Variants in CERS1 observed in about 807,000 individuals in gnomAD.
CERS1 encodes the protein Embryonic growth/differentiation factor 1.
Under a neutral mutation model 35.7 loss-of-function variants are expected in CERS1, and 16 were observed. The observed-to-expected ratio is 0.45, with a 90% CI of 0.30 to 0.68. The LOEUF (loss-of-function observed/expected upper bound fraction) is 0.68. CERS1 is among the 30% of genes least tolerant of loss of function. The probability of loss-of-function intolerance (pLI) is 0.08; values close to 1 mark genes in which losing one functional copy is unlikely to be tolerated. For missense variants in CERS1, 454 were observed against 453.9 expected (o/e 1.00, Z 0.00); for synonymous variants, 243 against 201.6 (o/e 1.21, Z -1.74).
intron 2 of CERS1, among the ~76,000 whole-genome samples, chr19:18,890,624 C>A (rs1409050775): frequency 6.8e-6 from 1 of 147,416 alleles, no homozygotes; most frequent in Non-Finnish European, 1.5e-5. Flanking sequence ...CCAAAAAACA[C>A]AAAAAAATTC....
Position 18,868,845 on chromosome 19 carries a change from A to G in CERS1, c.*1140T>C. ...TGACCCTGGCAGTAGTTGGCCAGGA[A>G]GCCGCGCGGCGCGATGACCCAGCGG... On this transcript the variant is annotated 3_prime_UTR_variant, in exon 8 of 8. Transcript: ENST00000623882. 6.9e-7 allele frequency: 1 copy of G among 1,449,992 alleles called. No individual in the cohort carries two copies. Among genetic ancestry groups the G allele is most frequent in the South Asian group, 1.2e-5 (1 of 81,224 alleles). The allele number at this position is 1,449,992 out of a possible 1,614,324, so 89.8% of individuals were successfully genotyped here. A position where few individuals can be genotyped will look rare whatever the true frequency, so the allele number is the denominator to read the frequency against.
rs772809060 is a variant in CERS1 at position 18,870,270 on chromosome 19, A to T, written c.*307T>A. 5.0e-5 allele frequency: 77 copies of T among 1,545,232 alleles called. No homozygotes were observed. Among genetic ancestry groups the T allele is most frequent in the Middle Eastern group, 2.2e-4 (1 of 4,450 alleles). On this transcript the variant is annotated 3_prime_UTR_variant, in exon 7 of 8. Transcript: ENST00000623882. The surrounding 1 kb of genome is among the most constrained non-coding windows in gnomAD (Gnocchi z 5.1). ...CAGCAGCAGGGCCAGGAGGAGGAGG[A>T]GGTGGTGGCCGCAGGGACCTTGCTG...
At chr19:18,881,966 T>C (rs977758819) in intron 3 of CERS1, 1 of 152,408 alleles carries the variant, frequency 6.6e-6, no homozygotes, top group Non-Finnish European at 1.5e-5. Context: ...CTCATCACCA[T>C]GCCCAGCTAA....
In CERS1 at chr19:18,878,299, CCT is replaced by C; in HGVS notation, c.1010+629_1010+630del. On this transcript the variant is annotated intron_variant, in intron 6 of 7. Coordinates refer to ENST00000623882, the MANE Select transcript of CERS1 (RefSeq NM_021267.5). The surrounding 1 kb of genome is among the most constrained non-coding windows in gnomAD (Gnocchi z 4.6). ...CCGTTCATCCCTGGCCCAGACACCC[CCT>C]GCCTGCCCCAGGCCTGGGGCTTCGG... 4.1e-6 allele frequency: 4 copies of C among 986,046 alleles called. No individual in the cohort carries two copies. The highest frequency in any genetic ancestry group is 4.8e-6 in the Non-Finnish European group (4 of 830,512). 61.1% of individuals were successfully genotyped at this position (986,046 alleles called of 1,614,324 possible). A position where few individuals can be genotyped will look rare whatever the true frequency, so the allele number is the denominator to read the frequency against.
At chr19:18,880,164 C>G in intron 4 of CERS1, 110 bp downstream of exon 4, 1 of 1,151,540 alleles carries the variant, frequency 8.7e-7, no homozygotes, top group Non-Finnish European at 1.2e-6. Context: ...TGCCACACAC[C>G]CACCTCACCG....
chr19:18,886,143 T>C (rs367748928), intron 2 of CERS1, among the ~76,000 whole-genome samples: 25 of 150,166 alleles, frequency 1.7e-4, no homozygotes, highest in African/African-American at 4.3e-4. Context: ...CGGTGGCTCA[T>C]GCCTGTAATC....
chr19:18,873,007 G>C (rs1460167362), intron 6 of CERS1, among the ~76,000 whole-genome samples: 4 of 152,224 alleles, frequency 2.6e-5, no homozygotes, highest in Non-Finnish European at 5.9e-5. Context: ...GTGGTGAAAA[G>C]AGCCAGAGCG....
At position 18,878,223 on chromosome 19, in the gene CERS1, T is replaced by C. The variant is rs1055584786; in HGVS notation, c.1010+707A>G. On this transcript the variant is annotated intron_variant, in intron 6 of 7. Transcript: ENST00000623882. This position sits in a 1 kb window ranked among gnomAD's most constrained non-coding sequence, Gnocchi z 4.6. ...GGCTCCTGCTCAAACACTCCTCACG[T>C]TGCCTATGAGACACTGCACACCCGA... 2.0e-6 allele frequency: 2 copies of C among 985,552 alleles called. No homozygotes were observed. The highest frequency in any genetic ancestry group is 1.2e-4 in the Admixed American group (2 of 16,256). The allele number at this position is 985,552 out of a possible 1,614,324, so 61.1% of individuals were successfully genotyped here. A position where few individuals can be genotyped will look rare whatever the true frequency, so the allele number is the denominator to read the frequency against.
chr19:18,881,311 C>T (rs187226772), intron 3 of CERS1, among the ~76,000 whole-genome samples: 21 of 152,028 alleles, frequency 1.4e-4, no homozygotes, highest in East Asian at 9.7e-4. Context: ...CCTCCACCTC[C>T]CGGGTTCAAG....
At chr19:18,890,777 T>C (rs2056469579) in intron 2 of CERS1, among the ~76,000 whole-genome samples, 1 of 114,826 alleles carries the variant, frequency 8.7e-6, no homozygotes, top group Admixed American at 1.1e-4. Context: ...TAAGACCGCG[T>C]CTGGGGAAAA....
At chr19:18,877,556 A>T (rs1224731562) in intron 6 of CERS1, among the ~76,000 whole-genome samples, 1 of 152,160 alleles carries the variant, frequency 6.6e-6, no homozygotes, top group African/African-American at 2.4e-5. Context: ...GTTTGAGACC[A>T]GCCTGAGCAA....
At position 18,895,905 on chromosome 19, in the gene CERS1, C is replaced by T; in HGVS notation, c.168G>A (p.Ala56=). The change falls in exon 1 of 8, where the codon GCG becomes GCA. Residue 56 remains alanine, a synonymous_variant. Transcript: ENST00000623882. The surrounding 1 kb of genome is among the most constrained non-coding windows in gnomAD (Gnocchi z 6.4). ...GCGCCAGCAGCAGCAGCTCGGGCGG[C>T]GCCAGGTGCGCGTGCTCAGCCAGGC... The part of the protein sequence containing the change: ...RRGLAEHAHL[A]PPELLLLALG... The T allele has an allele frequency of 2.4e-6, 3 of 1,251,862 alleles. No individual in the cohort carries two copies. The highest frequency in any genetic ancestry group is 3.7e-5 in the East Asian group (1 of 27,336). 77.5% of individuals were successfully genotyped at this position (1,251,862 alleles called of 1,614,324 possible). A position where few individuals can be genotyped will look rare whatever the true frequency, so the allele number is the denominator to read the frequency against.
chr19:18,889,659 G>A (rs1019924007), intron 2 of CERS1, among the ~76,000 whole-genome samples: 1 of 151,962 alleles, frequency 6.6e-6, no homozygotes, highest in African/African-American at 2.4e-5. Flanking sequence ...CGAACTCCTG[G>A]GCTCAAGTGA....
At chr19:18,869,419 C>T (rs752155951) in intron 7 of CERS1, 29 bp from the exon 8 acceptor site, 3 of 1,524,068 alleles carry the variant, frequency 2.0e-6, no homozygotes, top group South Asian at 1.2e-5. Flanking sequence ...GAACTCGGCT[C>T]GCGCTGCGTC....
chr19:18,874,301 A>G (rs2056024572), intron 6 of CERS1, among the ~76,000 whole-genome samples: 1 of 152,132 alleles, frequency 6.6e-6, no homozygotes, highest in Non-Finnish European at 1.5e-5. Context: ...TGAAGTTCAC[A>G]GTTTTCTATT....
chr19:18,870,384 TG>T lies in CERS1; in HGVS notation c.*192del, dbSNP rs1432153596. On this transcript the variant is annotated 3_prime_UTR_variant, in exon 7 of 8. Transcript: ENST00000623882. The surrounding 1 kb of genome is among the most constrained non-coding windows in gnomAD (Gnocchi z 5.1). Reference sequence around the variant, plus strand: ...ACCAGTGGGCTGAGGGCGGGGCCGGTGTCCCCGGAGGGGCAGGGGTCCTGGG... The same window carrying T: ...ACCAGTGGGCTGAGGGCGGGGCCGGTTCCCCGGAGGGGCAGGGGTCCTGGG... 3 of 1,490,766 alleles carry T rather than the reference TG, an allele frequency of 2.0e-6. No homozygotes were observed. Among genetic ancestry groups the T allele is most frequent in the Non-Finnish European group, 2.7e-6 (3 of 1,110,206 alleles). The allele number at this position is 1,490,766 out of a possible 1,614,324, so 92.3% of individuals were successfully genotyped here. A position where few individuals can be genotyped will look rare whatever the true frequency, so the allele number is the denominator to read the frequency against.
Position 18,878,585 on chromosome 19 carries a change from C to T in CERS1, c.1010+345G>A, listed in dbSNP as rs2056109474. On this transcript the variant is annotated intron_variant, in intron 6 of 7. Coordinates refer to ENST00000623882, the MANE Select transcript of CERS1 (RefSeq NM_021267.5). This position sits in a 1 kb window ranked among gnomAD's most constrained non-coding sequence, Gnocchi z 4.6. ...GGCGACATGGGTCAGAGGTCGTCATCCAGGCTGGCCAGCAACTACTCCTCA... is the reference window on the plus strand; with the variant it reads ...GGCGACATGGGTCAGAGGTCGTCATTCAGGCTGGCCAGCAACTACTCCTCA... 4 of 1,106,926 alleles carry T rather than the reference C, an allele frequency of 3.6e-6. No homozygotes were observed. The highest frequency in any genetic ancestry group is 4.4e-6 in the Non-Finnish European group (4 of 901,820). 68.6% of individuals were successfully genotyped at this position (1,106,926 alleles called of 1,614,324 possible).
rs370638755 is a variant in CERS1 at position 18,884,119 on chromosome 19, A to G, written c.558T>C (p.Thr186=). The part of the protein sequence containing the change: ...SVVMLLHHVV[T]LILIVSSYAF... ...CGTAGGAGGAGACGATGAGGATGAG[A>G]GTGACCACGTGGTGGAGCAGCATGA... Residue 186 remains threonine, a synonymous_variant, in exon 3 of 8, where the codon ACT becomes ACC. Coordinates refer to ENST00000623882, the MANE Select transcript of CERS1 (RefSeq NM_021267.5). 2.5e-6 allele frequency: 4 copies of G among 1,613,394 alleles called. No homozygotes were observed. The highest frequency in any genetic ancestry group is 2.7e-5 in the African/African-American group (2 of 74,864).
intron 5 of CERS1, 86 bp from the exon 6 acceptor site, chr19:18,879,125 C>T (rs2056127541): frequency 1.3e-6 from 2 of 1,585,702 alleles, no homozygotes; most frequent in Middle Eastern, 1.7e-4. Context: ...GTCCCGGGCC[C>T]TCCACACGGG....
Sources: gnomAD v4.1 joint callset for allele counts (sites outside exome capture counted in the v4.1 genomes callset) on GRCh38, gnomAD v4.1.1 for gene constraint, Gnocchi (gnomAD v3.1) non-coding constraint, MANE v1.5 for transcripts, NCBI Gene and HGNC (gene_info 2026-07-23, HGNC 2026-07-21) for gene names.